Variants in PCDHGA9 observed in about 807,000 individuals in gnomAD.
PCDHGA9 encodes the protein protocadherin gamma-A9.
Under a neutral mutation model 62.5 loss-of-function variants are expected in PCDHGA9, and 37 were observed. The ratio of observed to expected loss-of-function variants is 0.59; its 90% CI spans 0.46 to 0.78. PCDHGA9 has a LOEUF of 0.78. Among genes scored for constraint, PCDHGA9 ranks in the 30% least tolerant of loss-of-function variants. The pLI, the probability that PCDHGA9 is intolerant of heterozygous loss-of-function variation, is 0.00. For synonymous variants in PCDHGA9, 459 were observed against 484.6 expected (o/e 0.95, Z 0.69); for missense variants, 1,138 against 1,166.2 (o/e 0.98, Z 0.35).
At position 141,404,679 on chromosome 5, in the gene PCDHGA9, A is replaced by G; in HGVS notation, c.1727A>G (p.Glu576Gly). The change falls in exon 1 of 4, where the codon GAG (glutamate) becomes GGG (glycine). Residue 576 changes from glutamate to glycine, a missense_variant. Physicochemically the swap from Glu to Gly is moderately conservative, Grantham distance 98. Coordinates refer to ENST00000573521, the MANE Select transcript of PCDHGA9 (RefSeq NM_018921.3). The part of the protein sequence containing the change: ...ALPTDGSTGV[E>G]LAPRSAEPGY... ...CCCACTGATGGTTCTACTGGTGTGGAGCTGGCACCCCGCTCTGCAGAGCCT... is the reference window on the plus strand; with the variant it reads ...CCCACTGATGGTTCTACTGGTGTGGGGCTGGCACCCCGCTCTGCAGAGCCT... 6.2e-7 allele frequency: 1 copy of G among 1,614,096 alleles called. No homozygotes were observed. The highest frequency in any genetic ancestry group is 1.7e-5 in the Admixed American group (1 of 60,018).
intron 1 of PCDHGA9, among the ~76,000 whole-genome samples, chr5:141,426,099 G>A (rs1590666889): frequency 1.3e-5 from 2 of 152,348 alleles, no homozygotes; most frequent in African/African-American, 4.8e-5. Context: ...ATTCTGTTCA[G>A]TCACAGAAGC....
In PCDHGA9 at chr5:141,476,715, G is replaced by A. The variant is rs199871912; in HGVS notation, c.2425-18092G>A. 12 of 1,614,168 alleles carry A rather than the reference G, an allele frequency of 7.4e-6. No individual in the cohort carries two copies. The highest frequency in any genetic ancestry group is 1.7e-5 in the Admixed American group (1 of 60,032). On this transcript the variant is annotated intron_variant, in intron 1 of 3. Coordinates refer to ENST00000573521, the MANE Select transcript of PCDHGA9 (RefSeq NM_018921.3). The surrounding 1 kb of genome is among the most constrained non-coding windows in gnomAD (Gnocchi z 7.6). ...AAGTACGCGGAGCTGGTGTTGGAGC[G>A]CGCCCTGGACCGAGAACGGGAGCCT...
At chr5:141,435,510 T>C (rs72790047) in intron 1 of PCDHGA9, among the ~76,000 whole-genome samples, 9,714 of 152,280 alleles carry the variant, frequency 0.064, 363 homozygotes, top group African/African-American at 0.099. Context: ...ATGATACTAA[T>C]GATGACTTTG....
rs140199351 is a variant in PCDHGA9, at chr5:141,465,921, G to C, written c.2425-28886G>C. Among the ~76,000 whole-genome samples, 1,515 of 152,146 alleles carry C rather than the reference G, an allele frequency of 1.0e-2. 24 individuals carry two copies. The highest frequency in any genetic ancestry group is 0.034 in the African/African-American group (1,400 of 41,520). On this transcript the variant is annotated intron_variant, in intron 1 of 3. Transcript: ENST00000573521. ...GCAAATCACGAGGTCAGGATTTCGA[G>C]TCCATCCTGGCTAACATGGTGAAAC...
intron 1 of PCDHGA9, chr5:141,409,128 T>C (rs755394129): frequency 6.2e-6 from 10 of 1,613,976 alleles, no homozygotes; most frequent in South Asian, 1.1e-5. Flanking sequence ...TCATTTGATT[T>C]TGAAGATGTA....
At chr5:141,434,784 A>T (rs967716221) in intron 1 of PCDHGA9, among the ~76,000 whole-genome samples, 11 of 150,278 alleles carry the variant, frequency 7.3e-5, no homozygotes, top group East Asian at 5.8e-4. Flanking sequence ...AAAAAAAAAA[A>T]TTTTTTTTTC....
Position 141,421,845 on chromosome 5 carries a change from G to C in PCDHGA9, c.2424+16469G>C, listed in dbSNP as rs369443134. On this transcript the variant is annotated intron_variant, in intron 1 of 3. Transcript: ENST00000573521. ...AGGGAAGCCTGGACCGAGAGAAAGA[G>C]GCTGCTCACCTGCTCCTCCTCACAG... The C allele has an allele frequency of 1.1e-5, 18 of 1,613,638 alleles. No homozygotes were observed. The African/African-American group carries it at 2.1e-4, about 19-fold the overall frequency.
intron 1 of PCDHGA9, chr5:141,414,744 C>T (rs1381345965): frequency 6.2e-7 from 1 of 1,614,210 alleles, no homozygotes; most frequent in Non-Finnish European, 8.5e-7. Context: ...CACTCAGATC[C>T]TTCGACTATG....
chr5:141,437,074 A>G (rs1455066447), intron 1 of PCDHGA9, among the ~76,000 whole-genome samples: 1 of 152,250 alleles, frequency 6.6e-6, no homozygotes, highest in Non-Finnish European at 1.5e-5. Flanking sequence ...GGTTTGGGCC[A>G]TATAAGAATT....
intron 1 of PCDHGA9, chr5:141,414,488 C>T (rs755499269): frequency 2.5e-6 from 4 of 1,613,914 alleles, no homozygotes; most frequent in African/African-American, 2.7e-5. Flanking sequence ...CCTCTATCAA[C>T]GGAAGCTCAC....
intron 1 of PCDHGA9, among the ~76,000 whole-genome samples, chr5:141,475,778 T>C (rs1204790631): frequency 2.0e-5 from 3 of 152,282 alleles, no homozygotes; most frequent in Non-Finnish European, 4.4e-5. Flanking sequence ...GCGCTTTGGC[T>C]GGAAACTCTG....
rs762770481 is a variant in PCDHGA9, at chr5:141,432,320, G to GACT, written c.2424+26947_2424+26949dup. On this transcript the variant is annotated intron_variant, in intron 1 of 3. Coordinates refer to ENST00000573521, the MANE Select transcript of PCDHGA9 (RefSeq NM_018921.3). This position sits in a 1 kb window ranked among gnomAD's most constrained non-coding sequence, Gnocchi z 6.0. ...GGTACTGTATGCGCTGAGCTCCTTC[G>GACT]ACTACGAGCAGTTCCGAGACTTGCA... is the stretch of plus-strand genomic sequence containing the variant. The GACT allele has an allele frequency of 2.6e-5, 42 of 1,614,238 alleles. No individual in the cohort carries two copies. The highest frequency in any genetic ancestry group is 3.6e-5 in the Non-Finnish European group (42 of 1,180,038).
At chr5:141,497,500 T>G (rs1468175808) in intron 2 of PCDHGA9, among the ~76,000 whole-genome samples, 2 of 151,562 alleles carry the variant, frequency 1.3e-5, no homozygotes, top group Non-Finnish European at 2.9e-5. Context: ...CTCTCTCCTC[T>G]CTCTGCTTCC....
intron 1 of PCDHGA9, chr5:141,430,576 T>G (rs767759432): frequency 3.3e-5 from 15 of 459,492 alleles, no homozygotes; most frequent in Non-Finnish European, 5.5e-5. Flanking sequence ...AAAGCGGAGA[T>G]CCTGCTCGCC....
At chr5:141,430,980 T>C in intron 1 of PCDHGA9, 1 of 1,613,618 alleles carries the variant, frequency 6.2e-7, no homozygotes, top group African/African-American at 1.3e-5. Context: ...AGGACGCAGC[T>C]TTTCGCCCTG....
rs138745923 is a variant in PCDHGA9, at chr5:141,420,954, A to C, written c.2424+15578A>C. On this transcript the variant is annotated intron_variant, in intron 1 of 3. Transcript: ENST00000573521. ...GTAATCATTTCTTCTGGAATTTCTTAGTCGTTGCAATAATAAGAATGGGCT... is the reference window on the plus strand; with the variant it reads ...GTAATCATTTCTTCTGGAATTTCTTCGTCGTTGCAATAATAAGAATGGGCT... 3.9e-3 allele frequency: 1,621 copies of C among 412,482 alleles called. 10 individuals are homozygous for C. The highest frequency in any genetic ancestry group is 0.01 in the Admixed American group (249 of 24,550). The allele number at this position is 412,482 out of a possible 1,614,324, so 25.6% of individuals were successfully genotyped here.
At position 141,484,105 on chromosome 5, in the gene PCDHGA9, A is replaced by G. The variant is rs548687877; in HGVS notation, c.2425-10702A>G. On this transcript the variant is annotated intron_variant, in intron 1 of 3. Coordinates refer to ENST00000573521, the MANE Select transcript of PCDHGA9 (RefSeq NM_018921.3). Reference sequence around the variant, plus strand: ...GAAATGGTCTTCGTTGGTAATTAACAAAAGATCAAGAATACCTTGGTGTCA... The same window carrying G: ...GAAATGGTCTTCGTTGGTAATTAACGAAAGATCAAGAATACCTTGGTGTCA... Among the ~76,000 whole-genome samples, 3 of 152,316 alleles carry G rather than the reference A, an allele frequency of 2.0e-5. No individual in the cohort carries two copies. In the South Asian group the frequency reaches 6.2e-4, roughly 32 times the overall value.
At chr5:141,420,527 G>T (rs368419425) in intron 1 of PCDHGA9, 3 of 349,150 alleles carry the variant, frequency 8.6e-6, no homozygotes, top group Non-Finnish European at 1.5e-5. Flanking sequence ...ATACCTTTCG[G>T]TTAAAAATAT....
At chr5:141,413,270 C>T (rs2095621736) in intron 1 of PCDHGA9, 5 of 1,613,924 alleles carry the variant, frequency 3.1e-6, no homozygotes, top group Non-Finnish European at 4.2e-6. Flanking sequence ...GAGGCTGGAG[C>T]CCGGCAGATC....
Sources: allele counts gnomAD v4.1 joint callset (sites outside exome capture counted in the v4.1 genomes callset), GRCh38; gene constraint gnomAD v4.1.1; non-coding constraint Gnocchi (gnomAD v3.1); transcripts MANE v1.5; gene names NCBI Gene and HGNC (gene_info 2026-07-23, HGNC 2026-07-21).